Variants in CLEC9A observed in about 807,000 individuals in gnomAD.
CLEC9A encodes the protein C-type lectin domain containing 9A, also known as C-type lectin domain family 9 member A.
In CLEC9A, 24 loss-of-function variants were observed where a neutral mutation model predicts 30.0. The observed-to-expected ratio is 0.80, with a 90% CI of 0.58 to 1.13. The LOEUF (loss-of-function observed/expected upper bound fraction) is 1.13. Among genes scored for constraint, CLEC9A ranks in the 50% most tolerant of loss-of-function variants. The probability of loss-of-function intolerance (pLI) is 0.00; values close to 1 mark genes in which losing one functional copy is unlikely to be tolerated. For synonymous variants in CLEC9A, 111 were observed against 96.8 expected, an observed-to-expected ratio of 1.15 and a Z score of -0.86; for missense variants, 251 against 280.9, an observed-to-expected ratio of 0.89 and a Z score of 0.76.
chr12:10,047,022 T>C (rs186449539), intron 2 of CLEC9A, among the ~76,000 whole-genome samples: 1 of 152,318 alleles, frequency 6.6e-6, no homozygotes, highest in East Asian at 1.9e-4. Flanking sequence ...TGTGTTACTC[T>C]TAAAGCTTTG....
At chr12:10,043,281 G>A in intron 2 of CLEC9A, 1 of 277,498 alleles carries the variant, frequency 3.6e-6, no homozygotes, top group Non-Finnish European at 7.1e-6. Context: ...CTCTAATGAG[G>A]TCTGTAAGTG....
chr12:10,054,187 T>A, intron 4 of CLEC9A, 84 bp from the exon 5 acceptor site: 1 of 1,083,606 alleles, frequency 9.2e-7, no homozygotes, highest in Non-Finnish European at 1.4e-6. Flanking sequence ...AATTCCTTCT[T>A]TTACTCAATC....
chr12:10,035,122 T>G (rs1865732377), intron 1 of CLEC9A, among the ~76,000 whole-genome samples: 1 of 152,240 alleles, frequency 6.6e-6, no homozygotes, highest in African/African-American at 2.4e-5. Context: ...CACCAGTTGG[T>G]GGCCTGCCGA....
chr12:10,041,709 C>G (rs1427088898), intron 2 of CLEC9A, 89 bp downstream of exon 2: 2 of 486,394 alleles, frequency 4.1e-6, no homozygotes, highest in Non-Finnish European at 8.2e-6. Context: ...TTACATTTTT[C>G]TTAACATCTT....
intron 7 of CLEC9A, among the ~76,000 whole-genome samples, chr12:10,063,882 C>T (rs546666907): frequency 6.6e-6 from 1 of 152,150 alleles, no homozygotes; most frequent in East Asian, 1.9e-4. Context: ...GTGGTGGGAG[C>T]CTGTAATTCC....
intron 2 of CLEC9A, chr12:10,043,321 G>A: frequency 5.0e-6 from 1 of 200,988 alleles, no homozygotes; most frequent in Non-Finnish European, 1.0e-5. Flanking sequence ...AAAAAAATAT[G>A]TAAGTCCCCG....
At chr12:10,046,416 G>A (rs979952523) in intron 2 of CLEC9A, among the ~76,000 whole-genome samples, 4 of 152,186 alleles carry the variant, frequency 2.6e-5, no homozygotes, top group African/African-American at 4.8e-5. Context: ...TTGTAACAAA[G>A]CTCATGGGGT....
intron 1 of CLEC9A, among the ~76,000 whole-genome samples, chr12:10,036,424 A>C (rs2137295792): frequency 6.6e-6 from 1 of 152,372 alleles, no homozygotes; most frequent in East Asian, 1.9e-4. Flanking sequence ...GGGCTGAGAG[A>C]GAGGACTGAA....
intron 7 of CLEC9A, among the ~76,000 whole-genome samples, chr12:10,064,367 G>T (rs372147062): frequency 1.3e-5 from 2 of 152,092 alleles, no homozygotes; most frequent in East Asian, 1.9e-4. Flanking sequence ...CTACATCGAC[G>T]TATACTGAGA....
In CLEC9A at chr12:10,041,484, C is replaced by A. The variant is rs1458029007; in HGVS notation, c.-299C>A. Reference sequence around the variant, plus strand: ...TCTCCAGGTGACTATAAACGCAGCCCCTGTGATGCCAACTGGACATATTAT... The same window carrying A: ...TCTCCAGGTGACTATAAACGCAGCCACTGTGATGCCAACTGGACATATTAT... On this transcript the variant is annotated 5_prime_UTR_variant, in exon 2 of 9. Transcript: ENST00000355819. 3 of 447,868 alleles carry A rather than the reference C, an allele frequency of 6.7e-6. No individual in the cohort carries two copies. Among genetic ancestry groups the A allele is most frequent in the Non-Finnish European group, 8.7e-6 (2 of 229,518 alleles). The allele number at this position is 447,868 out of a possible 1,614,324, so 27.7% of individuals were successfully genotyped here. A position where few individuals can be genotyped will look rare whatever the true frequency, so the allele number is the denominator to read the frequency against.
intron 6 of CLEC9A, 65 bp downstream of exon 6, chr12:10,061,338 A>G: frequency 7.0e-7 from 1 of 1,437,572 alleles, no homozygotes; most frequent in Non-Finnish European, 9.3e-7. Context: ...CTCAAAAGAA[A>G]CAGTGACACA....
chr12:10,065,457 A>G lies in CLEC9A; in HGVS notation c.594-43A>G, dbSNP rs914607327. The stretch of plus-strand genomic sequence containing the variant: ...TAGTTACCCTCAGGAGCATTTCTGA[A>G]ACTCCCAAGTCTAACCTCAGAAATG... On this transcript the variant is annotated intron_variant, in intron 8 of 8. Transcript: ENST00000355819. 11 of 1,609,466 alleles carry G rather than the reference A, an allele frequency of 6.8e-6. No homozygotes were observed. The Admixed American group carries it at 1.2e-4, about 17-fold the overall frequency.
chr12:10,044,564 A>G (rs1206628274), intron 2 of CLEC9A, among the ~76,000 whole-genome samples: 1 of 152,156 alleles, frequency 6.6e-6, no homozygotes, highest in African/African-American at 2.4e-5. Context: ...TTCTTCTCCT[A>G]GAATGCTCTG....
chr12:10,054,492 A>G (rs1200458442), intron 5 of CLEC9A, 141 bp downstream of exon 5: 5 of 607,002 alleles, frequency 8.2e-6, no homozygotes, highest in Non-Finnish European at 1.4e-5. Flanking sequence ...ATCATTTGAT[A>G]GAACTCTCTG....
At chr12:10,065,152 A>G (rs1028892384) in intron 8 of CLEC9A, among the ~76,000 whole-genome samples, 3 of 152,180 alleles carry the variant, frequency 2.0e-5, no homozygotes, top group Non-Finnish European at 2.9e-5. Flanking sequence ...GAGAATAACT[A>G]TTTATTTCCA....
intron 2 of CLEC9A, among the ~76,000 whole-genome samples, chr12:10,048,707 G>T (rs1037190171): frequency 2.0e-5 from 3 of 152,170 alleles, no homozygotes; most frequent in African/African-American, 7.2e-5. Flanking sequence ...CACATCTTCA[G>T]CCTCCACTTC....
At chr12:10,058,503 T>C (rs1184060222) in intron 5 of CLEC9A, among the ~76,000 whole-genome samples, 35 of 152,206 alleles carry the variant, frequency 2.3e-4, no homozygotes. Context: ...AGCAGCAATG[T>C]TGATAAGTAA....
chr12:10,041,340 A>T (rs987137605), intron 1 of CLEC9A, 126 bp from the exon 2 acceptor site: 3 of 238,632 alleles, frequency 1.3e-5, no homozygotes, highest in Admixed American at 4.3e-5. Context: ...CATTTCTCCA[A>T]CCCCTGGAGC....
chr12:10,051,095 C>T (rs943811620), intron 2 of CLEC9A, among the ~76,000 whole-genome samples: 11 of 151,566 alleles, frequency 7.3e-5, no homozygotes, highest in Admixed American at 5.9e-4. Context: ...ATCCCAGCTA[C>T]TTGGGAAGCT....
Sources: allele counts gnomAD v4.1 joint callset (sites outside exome capture counted in the v4.1 genomes callset), GRCh38; gene constraint gnomAD v4.1.1; transcripts MANE v1.5; gene names NCBI Gene and HGNC (gene_info 2026-07-23, HGNC 2026-07-21).